Variants in LARP4B observed in about 807,000 individuals in gnomAD.
The protein encoded by LARP4B is La ribonucleoprotein 4B.
In LARP4B, 12 loss-of-function variants were observed where a neutral mutation model predicts 89.8. The ratio of observed to expected loss-of-function variants is 0.13; its 90% CI spans 0.09 to 0.22. The LOEUF is 0.22. LARP4B is among the 10% of genes least tolerant of loss of function. The pLI, the probability that LARP4B is intolerant of heterozygous loss-of-function variation, is 1.00. For missense variants in LARP4B, 757 were observed against 947.7 expected (o/e 0.80, Z 2.64); for synonymous variants, 367 against 363.3 (o/e 1.01, Z -0.12).
chr10:813,730 G>A (rs1831864138), intron 17 of LARP4B, among the ~76,000 whole-genome samples: 1 of 152,018 alleles, frequency 6.6e-6, no homozygotes, highest in Admixed American at 6.5e-5. Context: ...CAAGAAATGT[G>A]TAATAGGGTT....
intron 3 of LARP4B, among the ~76,000 whole-genome samples, chr10:866,083 A>C (rs1245739741): frequency 3.3e-5 from 5 of 152,222 alleles, no homozygotes; most frequent in Non-Finnish European, 5.9e-5. Flanking sequence ...CTATTTCTGA[A>C]ACTGAGAGAA....
Position 812,569 on chromosome 10 carries a change from C to T in LARP4B, c.*357G>A, listed in dbSNP as rs955848289. Reference sequence around the variant, plus strand: ...AAAAAAAAAAAAAAAGCAGAGTTCCCTTAATTTAGAAAAACTCACTATATA... The same window carrying T: ...AAAAAAAAAAAAAAAGCAGAGTTCCTTTAATTTAGAAAAACTCACTATATA... On this transcript the variant is annotated 3_prime_UTR_variant, in exon 18 of 18. Transcript: ENST00000316157. The T allele has an allele frequency of 6.1e-6, 1 of 164,528 alleles. No individual in the cohort carries two copies. The highest frequency in any genetic ancestry group is 2.4e-5 in the African/African-American group (1 of 41,868). 10.2% of individuals were successfully genotyped at this position (164,528 alleles called of 1,614,324 possible).
chr10:824,923 C>T, intron 13 of LARP4B, 142 bp downstream of exon 13: 1 of 801,984 alleles, frequency 1.2e-6, no homozygotes, highest in South Asian at 2.5e-5. Flanking sequence ...TAAGTCTTAG[C>T]AATTATATAA....
chr10:972,064 G>T, the LARP4B span: 1 of 157,370 alleles, frequency 6.4e-6, no homozygotes. Flanking sequence ...TGCAATTGTT[G>T]CCCAGGCTGG....
chr10:870,623 T>G (rs1835154226), intron 3 of LARP4B, among the ~76,000 whole-genome samples: 1 of 152,190 alleles, frequency 6.6e-6, no homozygotes, highest in Non-Finnish European at 1.5e-5. Context: ...TTCTTTGAAA[T>G]GGTGTGCACG....
intron 1 of LARP4B, among the ~76,000 whole-genome samples, chr10:892,184 T>G (rs1192258659): frequency 6.6e-6 from 1 of 152,230 alleles, no homozygotes. Context: ...CCTTACTGAA[T>G]TGGACAGGAG....
intron 5 of LARP4B, among the ~76,000 whole-genome samples, chr10:853,937 G>C (rs1318652497): frequency 6.6e-6 from 1 of 152,212 alleles, no homozygotes; most frequent in Non-Finnish European, 1.5e-5. Context: ...TTTGTCAACA[G>C]TGGGACTTCT....
the LARP4B span, among the ~76,000 whole-genome samples, chr10:975,586 C>T: frequency 5.3e-5 from 8 of 152,362 alleles, no homozygotes; most frequent in Admixed American, 1.3e-4. Context: ...CGTGGCGAAT[C>T]GTCTGAATGC....
chr10:961,156 T>C, the LARP4B span, among the ~76,000 whole-genome samples: 3 of 152,198 alleles, frequency 2.0e-5, no homozygotes, highest in African/African-American at 7.2e-5. Flanking sequence ...TTGCAAGAAA[T>C]GTTAAAAGAA....
the LARP4B span, among the ~76,000 whole-genome samples, chr10:966,078 GTGTGTGTA>G: frequency 6.4e-4 from 79 of 123,318 alleles, no homozygotes; most frequent in African/African-American, 4.8e-4. Flanking sequence ...GTGTGTGTGT[GTGTGTGTA>G]TGAGATTTTA....
chr10:947,067 A>G, the LARP4B span, among the ~76,000 whole-genome samples: 2 of 152,242 alleles, frequency 1.3e-5, no homozygotes, highest in Non-Finnish European at 2.9e-5. Flanking sequence ...ACAAGTTTTC[A>G]CCATGTTGAT....
chr10:979,378 T>C, the LARP4B span, among the ~76,000 whole-genome samples: 3 of 152,222 alleles, frequency 2.0e-5, no homozygotes, highest in African/African-American at 7.2e-5. Flanking sequence ...CCAGGCCCTC[T>C]TGCATTCTGG....
chr10:916,262 T>C (rs1281624839), intron 1 of LARP4B, among the ~76,000 whole-genome samples: 2 of 152,250 alleles, frequency 1.3e-5, no homozygotes, highest in Non-Finnish European at 2.9e-5. Flanking sequence ...TCTTTAACTG[T>C]AGCTACTCTA....
chr10:926,813 G>C (rs1001287573), intron 1 of LARP4B, among the ~76,000 whole-genome samples: 1 of 152,148 alleles, frequency 6.6e-6, no homozygotes, highest in Non-Finnish European at 1.5e-5. Context: ...AAGGCAGATG[G>C]GTCACTTGAG....
At chr10:938,317 T>C in the LARP4B span, among the ~76,000 whole-genome samples, 110 of 147,546 alleles carry the variant, frequency 7.5e-4, no homozygotes, top group Middle Eastern at 3.7e-3. Flanking sequence ...GTGGTGTGAT[T>C]TGGGCTCACT....
intron 5 of LARP4B, among the ~76,000 whole-genome samples, chr10:846,785 C>G (rs1477137940): frequency 2.6e-5 from 4 of 152,086 alleles, no homozygotes; most frequent in African/African-American, 9.7e-5. Context: ...ATAGGTGGTG[C>G]CGAAGCCACA....
intron 1 of LARP4B, among the ~76,000 whole-genome samples, chr10:911,719 A>T (rs1430698904): frequency 6.6e-6 from 1 of 152,188 alleles, no homozygotes; most frequent in East Asian, 1.9e-4. Flanking sequence ...ACGGAGTCTG[A>T]AGAGTTGTGA....
chr10:903,971 T>TA lies in LARP4B; in HGVS notation c.-39-18212dup, dbSNP rs550264665. 9.4e-4 allele frequency among the ~76,000 whole-genome samples: 142 copies of TA among 151,142 alleles called. 3 individuals carry two copies. The South Asian group carries it at 0.02, about 21-fold the overall frequency. On this transcript the variant is annotated intron_variant, in intron 1 of 17. Coordinates refer to ENST00000316157, the MANE Select transcript of LARP4B (RefSeq NM_015155.3). ...GAAATGATACATAAATTGATTTTGT[T>TA]AAAAAAAAACCTTGACACGCAACAC...
chr10:912,108 G>A (rs543427886), intron 1 of LARP4B, among the ~76,000 whole-genome samples: 2 of 152,312 alleles, frequency 1.3e-5, no homozygotes, highest in Admixed American at 6.5e-5. Context: ...TGCGTGGCAG[G>A]TGTTATGGCG....
Sources: gnomAD v4.1 joint callset for allele counts (sites outside exome capture counted in the v4.1 genomes callset) on GRCh38, gnomAD v4.1.1 for gene constraint, MANE v1.5 for transcripts, NCBI Gene and HGNC (gene_info 2026-07-23, HGNC 2026-07-21) for gene names.